The following SEC24D variants were observed in gnomAD, a reference collection of about 807,000 sequenced individuals.
SEC24D encodes protein transport protein Sec24D.
A neutral mutation model predicts 116.9 loss-of-function variants in SEC24D; 69 were observed. That is an observed-to-expected ratio of 0.59 (90% confidence interval 0.49 to 0.72). The LOEUF (loss-of-function observed/expected upper bound fraction) is 0.72, where lower values mean the gene tolerates loss of function less well. Ranked by LOEUF, SEC24D falls within the 30% of genes least tolerant of loss-of-function variation. The pLI is 0.00. For missense variants in SEC24D, 1,131 were observed against 1,264.1 expected (o/e 0.89, Z 1.60); for synonymous variants, 405 against 442.8 (o/e 0.91, Z 1.07).
chr4:118,835,364 G>A (rs568935036), intron 1 of SEC24D, among the ~76,000 whole-genome samples: 133 of 152,224 alleles, frequency 8.7e-4, no homozygotes, highest in African/African-American at 3.0e-3. Context: ...AGCTTCAAGC[G>A]GCGACACGGC....
intron 21 of SEC24D, 42 bp from the exon 22 acceptor site, chr4:118,728,692 A>G: frequency 8.6e-7 from 1 of 1,167,236 alleles, no homozygotes; most frequent in South Asian, 1.3e-5. Context: ...AGTTTATAAC[A>G]TTTAGATAGA....
intron 6 of SEC24D, among the ~76,000 whole-genome samples, chr4:118,812,598 G>A (rs1233105217): frequency 6.6e-6 from 1 of 151,486 alleles, no homozygotes; most frequent in Non-Finnish European, 1.5e-5. Context: ...GCGGAGTTTG[G>A]CCGGGGCAGT....
At chr4:118,791,246 C>G (rs940107876) in intron 8 of SEC24D, among the ~76,000 whole-genome samples, 1 of 151,884 alleles carries the variant, frequency 6.6e-6, no homozygotes, top group Non-Finnish European at 1.5e-5. Context: ...TATGAAGCAC[C>G]CAAGGAGAGA....
chr4:118,766,419 T>C (rs1447761274), intron 9 of SEC24D: 2 of 152,298 alleles, frequency 1.3e-5, no homozygotes, highest in East Asian at 1.9e-4. Flanking sequence ...AGAAGACAGG[T>C]GTCAGCATAC....
At chr4:118,818,057 T>TA (rs1730226517) in intron 3 of SEC24D, among the ~76,000 whole-genome samples, 1 of 151,804 alleles carries the variant, frequency 6.6e-6, no homozygotes, top group African/African-American at 2.4e-5. Flanking sequence ...AAAAAAAATC[T>TA]AAAAATTACA....
chr4:118,826,196 T>C (rs1008490023), intron 2 of SEC24D, among the ~76,000 whole-genome samples: 3 of 152,182 alleles, frequency 2.0e-5, no homozygotes, highest in African/African-American at 7.2e-5. Flanking sequence ...TACACTTTAA[T>C]ACAAAGTTCT....
At chr4:118,736,657 G>A (rs763642783) in intron 19 of SEC24D, 2 of 191,794 alleles carry the variant, frequency 1.0e-5, no homozygotes, top group Non-Finnish European at 2.2e-5. Flanking sequence ...TACTGTTTTA[G>A]AATCTCCACA....
chr4:118,793,034 G>A (rs1267464099), intron 8 of SEC24D, among the ~76,000 whole-genome samples: 2 of 152,188 alleles, frequency 1.3e-5, no homozygotes, highest in Non-Finnish European at 2.9e-5. Context: ...GGAGTGGAAA[G>A]AAGATCCCAA....
intron 19 of SEC24D, chr4:118,733,423 C>A (rs1725799110): frequency 6.6e-6 from 1 of 152,100 alleles, no homozygotes; most frequent in Non-Finnish European, 1.5e-5. Context: ...ACCTATATTT[C>A]CACTTCAAGA....
At chr4:118,807,648 T>A (rs1331893070) in intron 6 of SEC24D, among the ~76,000 whole-genome samples, 1 of 152,154 alleles carries the variant, frequency 6.6e-6, no homozygotes, top group Non-Finnish European at 1.5e-5. Flanking sequence ...TCTGCCAAAC[T>A]CTGAAATGTT....
At chr4:118,743,718 C>A (rs1379887297) in intron 15 of SEC24D, among the ~76,000 whole-genome samples, 3 of 152,048 alleles carry the variant, frequency 2.0e-5, no homozygotes, top group African/African-American at 7.2e-5. Flanking sequence ...TAATTGTTAT[C>A]CTATAGGGGA....
chr4:118,768,334 A>G (rs1289509218), intron 8 of SEC24D, 23 bp from the exon 9 acceptor site: 2 of 1,603,800 alleles, frequency 1.2e-6, no homozygotes, highest in Non-Finnish European at 8.5e-7. Flanking sequence ...AAGAAAAATT[A>G]AATGAACAGG....
At position 118,743,033 on chromosome 4, in the gene SEC24D, G is replaced by C. The variant is rs77889290; in HGVS notation, c.1995+955C>G. Among the ~76,000 whole-genome samples the C allele has an allele frequency of 8.2e-3, 1,245 of 152,166 alleles. 15 individuals are homozygous for C. Among genetic ancestry groups the C allele is most frequent in the African/African-American group, 0.029 (1,193 of 41,526 alleles). ...GCATAAGTTTGTGAAATTCAGGGGT[G>C]AATCAGCAAGCCCACTTGCCTGCAG... On this transcript the variant is annotated intron_variant, in intron 15 of 22. Coordinates refer to ENST00000280551, the MANE Select transcript of SEC24D (RefSeq NM_014822.4).
At chr4:118,798,418 T>C (rs1241520843) in intron 7 of SEC24D, among the ~76,000 whole-genome samples, 3 of 152,224 alleles carry the variant, frequency 2.0e-5, no homozygotes, top group Non-Finnish European at 4.4e-5. Context: ...CAAAATATCT[T>C]TACTTCATGG....
chr4:118,820,032 T>TA (rs1308199215), intron 3 of SEC24D, among the ~76,000 whole-genome samples: 27 of 152,328 alleles, frequency 1.8e-4, no homozygotes, highest in Admixed American at 1.3e-3. Context: ...TGGTAAGTCT[T>TA]AAATAGATTT....
Position 118,744,925 on chromosome 4 carries a change from T to TCA in SEC24D, c.1824+17_1824+18dup, listed in dbSNP as rs761293107. 3 of 1,339,810 alleles carry TCA rather than the reference T, an allele frequency of 2.2e-6. No homozygotes were observed. In the African/African-American group the frequency reaches 4.3e-5, roughly 19 times the overall value. The allele number at this position is 1,339,810 out of a possible 1,614,324, so 83.0% of individuals were successfully genotyped here. A position where few individuals can be genotyped will look rare whatever the true frequency, so the allele number is the denominator to read the frequency against. ...CTCTTAATAATTGACATATGGATAC[T>TCA]CAAAGAGTTACAAAGTACCTTCTCT... On this transcript the variant is annotated intron_variant, in intron 14 of 22. Transcript: ENST00000280551.
At chr4:118,748,480 T>C (rs1029085034) in intron 13 of SEC24D, among the ~76,000 whole-genome samples, 1 of 152,316 alleles carries the variant, frequency 6.6e-6, no homozygotes, top group South Asian at 2.1e-4. Flanking sequence ...AAATGTTCTA[T>C]TCCCTACAAA....
At chr4:118,779,605 A>G (rs1221637705) in intron 8 of SEC24D, among the ~76,000 whole-genome samples, 1 of 152,230 alleles carries the variant, frequency 6.6e-6, no homozygotes, top group Non-Finnish European at 1.5e-5. Flanking sequence ...TATCAGGATC[A>G]TGCTGGCCTC....
chr4:118,798,873 G>C (rs963279523), intron 7 of SEC24D, among the ~76,000 whole-genome samples: 1 of 152,248 alleles, frequency 6.6e-6, no homozygotes, highest in Non-Finnish European at 1.5e-5. Flanking sequence ...GAGGCCCATG[G>C]AGCTGGAATG....
Sources: allele counts gnomAD v4.1 joint callset (sites outside exome capture counted in the v4.1 genomes callset), GRCh38; gene constraint gnomAD v4.1.1; transcripts MANE v1.5; gene names NCBI Gene and HGNC (gene_info 2026-07-23, HGNC 2026-07-21).